The following IGBP1C variants were observed in gnomAD, a reference collection of about 807,000 sequenced individuals.
The protein encoded by IGBP1C is IGBP1 family member C.
the IGBP1C span, among the ~76,000 whole-genome samples, chr17:58,671,193 A>G: frequency 6.6e-6 from 1 of 152,154 alleles, no homozygotes; most frequent in African/African-American, 2.4e-5. Context: ...CCCATTCACT[A>G]AGATTATTAT....
chr17:58,665,345 T>A, the IGBP1C span, among the ~76,000 whole-genome samples: 171 of 151,788 alleles, frequency 1.1e-3, no homozygotes, highest in Non-Finnish European at 2.0e-3. Flanking sequence ...GACTCATGCC[T>A]GAAATCCCAG....
At chr17:58,672,977 T>C in the IGBP1C span, among the ~76,000 whole-genome samples, 2 of 151,706 alleles carry the variant, frequency 1.3e-5, no homozygotes, top group Non-Finnish European at 1.5e-5. Context: ...AGTGATCTGC[T>C]AGCCTCGAAC....
chr17:58,675,166 T>C, the IGBP1C span: 2 of 150,028 alleles, frequency 1.3e-5, no homozygotes, highest in Admixed American at 6.7e-5. Flanking sequence ...AAGATGCAAA[T>C]AGCCAATAAG....
the IGBP1C span, among the ~76,000 whole-genome samples, chr17:58,682,262 CTTT>C: frequency 7.0e-6 from 1 of 141,962 alleles, no homozygotes. Flanking sequence ...CAGAGTCTTT[CTTT>C]TTTTTTTTTT....
chr17:58,683,378 C>G, the IGBP1C span, among the ~76,000 whole-genome samples: 18 of 147,512 alleles, frequency 1.2e-4, no homozygotes, highest in South Asian at 6.4e-4. Context: ...ATCCCCCCCC[C>G]CAAAAAAAAA....
At chr17:58,685,669 C>G in the IGBP1C span, among the ~76,000 whole-genome samples, 1 of 151,358 alleles carries the variant, frequency 6.6e-6, no homozygotes, top group African/African-American at 2.4e-5. Flanking sequence ...TTTTTTTAAG[C>G]CTTATTAAGA....
At chr17:58,660,743 C>A in the IGBP1C span, 9 of 781,314 alleles carry the variant, frequency 1.2e-5, no homozygotes, top group South Asian at 1.2e-4. Flanking sequence ...CTTGGCTATT[C>A]CCTGATCTGG....
the IGBP1C span, among the ~76,000 whole-genome samples, chr17:58,681,455 C>T: frequency 6.6e-6 from 1 of 152,086 alleles, no homozygotes; most frequent in African/African-American, 2.4e-5. Flanking sequence ...CTTTCCTTTT[C>T]AAAGAAGTAT....
the IGBP1C span, among the ~76,000 whole-genome samples, chr17:58,683,762 C>CA: frequency 0.011 from 867 of 75,596 alleles, 1 homozygote; most frequent in Admixed American, 0.019. Context: ...GACTCCAGCT[C>CA]AAAAAAAAAA....
the IGBP1C span, chr17:58,679,503 C>G: frequency 6.6e-6 from 1 of 152,144 alleles, no homozygotes; most frequent in Non-Finnish European, 1.5e-5. Flanking sequence ...ATACAACGTA[C>G]GCCTTTTATA....
the IGBP1C span, among the ~76,000 whole-genome samples, chr17:58,689,666 T>C: frequency 6.6e-6 from 1 of 152,174 alleles, no homozygotes; most frequent in African/African-American, 2.4e-5. Context: ...AGATTTTTTT[T>C]GAGAAAAGTG....
the IGBP1C span, among the ~76,000 whole-genome samples, chr17:58,685,072 G>A: frequency 9.9e-5 from 15 of 151,850 alleles, no homozygotes; most frequent in East Asian, 1.4e-3. Context: ...GAAATAATAC[G>A]AATGAAAAAT....
At chr17:58,660,512 A>G in the IGBP1C span, 1 of 715,400 alleles carries the variant, frequency 1.4e-6, no homozygotes, top group South Asian at 1.6e-5. Context: ...AGGGAGGGGA[A>G]GGCTGCATGG....
At chr17:58,683,375 C>T in the IGBP1C span, among the ~76,000 whole-genome samples, 4 of 148,452 alleles carry the variant, frequency 2.7e-5, no homozygotes, top group Admixed American at 2.0e-4. Flanking sequence ...TCCATCCCCC[C>T]CCCCAAAAAA....
the IGBP1C span, among the ~76,000 whole-genome samples, chr17:58,662,180 G>A: frequency 6.7e-6 from 1 of 150,230 alleles, no homozygotes; most frequent in Admixed American, 6.6e-5. Flanking sequence ...GGCCAGGCGC[G>A]GTGGCTCACT....
the IGBP1C span, among the ~76,000 whole-genome samples, chr17:58,676,821 C>T: frequency 6.6e-6 from 1 of 151,672 alleles, no homozygotes; most frequent in African/African-American, 2.4e-5. Context: ...CCCTATGCTA[C>T]AAAAAGTTCT....
At chr17:58,682,196 G>A in the IGBP1C span, among the ~76,000 whole-genome samples, 13 of 151,678 alleles carry the variant, frequency 8.6e-5, no homozygotes, top group African/African-American at 2.2e-4. Context: ...CAATTGACCC[G>A]TCTCCGCCTC....
At chr17:58,674,111 T>C in the IGBP1C span, among the ~76,000 whole-genome samples, 1 of 151,744 alleles carries the variant, frequency 6.6e-6, no homozygotes, top group Non-Finnish European at 1.5e-5. Flanking sequence ...CCATCTCTAC[T>C]AAAACTACAA....
the IGBP1C span, among the ~76,000 whole-genome samples, chr17:58,662,311 G>A: frequency 6.6e-6 from 1 of 151,706 alleles, no homozygotes; most frequent in Non-Finnish European, 1.5e-5. Context: ...TTAGCTGGGC[G>A]TGGTGGCGGG....
Sources: gnomAD v4.1 joint callset for allele counts (sites outside exome capture counted in the v4.1 genomes callset) on GRCh38, gnomAD v4.1.1 for gene constraint, MANE v1.5 for transcripts, NCBI Gene and HGNC (gene_info 2026-07-23, HGNC 2026-07-21) for gene names.